INPP5K: variants seen among roughly 807,000 people sequenced by gnomAD.
INPP5K encodes the protein inositol polyphosphate-5-phosphatase K.
A neutral mutation model predicts 53.5 loss-of-function variants in INPP5K; 35 were observed. The ratio of observed to expected loss-of-function variants is 0.65; its 90% CI spans 0.50 to 0.87. INPP5K has a LOEUF of 0.87. Among genes scored for constraint, INPP5K ranks in the 40% least tolerant of loss-of-function variants. The pLI, the probability that INPP5K is intolerant of heterozygous loss-of-function variation, is 0.00. For synonymous variants in INPP5K, 253 were observed against 232.8 expected (o/e 1.09, Z -0.79); for missense variants, 550 against 586.2 (o/e 0.94, Z 0.64).
At chr17:1,501,123 C>T (rs1463620621) in intron 7 of INPP5K, among the ~76,000 whole-genome samples, 2 of 152,008 alleles carry the variant, frequency 1.3e-5, no homozygotes, top group Admixed American at 6.6e-5. Context: ...CCATGCCCAG[C>T]TAATTTTTGT....
intron 7 of INPP5K, among the ~76,000 whole-genome samples, chr17:1,499,023 A>G (rs937575911): frequency 1.1e-4 from 16 of 152,234 alleles, no homozygotes; most frequent in African/African-American, 3.6e-4. Flanking sequence ...ACCACAGAGC[A>G]TGTGCTCTTA....
chr17:1,505,930 G>A (rs965519367), intron 7 of INPP5K, among the ~76,000 whole-genome samples: 2 of 152,320 alleles, frequency 1.3e-5, no homozygotes, highest in South Asian at 2.1e-4. Flanking sequence ...GTTGCCAGTG[G>A]TTCTTTCTCA....
intron 9 of INPP5K, 131 bp from the exon 10 acceptor site, chr17:1,496,533 G>A: frequency 1.4e-6 from 2 of 1,382,386 alleles, no homozygotes; most frequent in Non-Finnish European, 1.0e-6. Flanking sequence ...TTCACTGCCA[G>A]CCTTTAGCTA....
chr17:1,498,423 G>A (rs953611608), intron 7 of INPP5K, among the ~76,000 whole-genome samples: 1 of 152,092 alleles, frequency 6.6e-6, no homozygotes, highest in Non-Finnish European at 1.5e-5. Context: ...TCTTTCTTGA[G>A]CAAAAGCAGC....
chr17:1,504,316 TGA>T (rs1273400529), intron 7 of INPP5K, among the ~76,000 whole-genome samples: 2 of 152,100 alleles, frequency 1.3e-5, no homozygotes, highest in African/African-American at 4.8e-5. Flanking sequence ...CTCAGTGAGA[TGA>T]GGAGGGGCCG....
At chr17:1,502,082 G>T (rs1278713884) in intron 7 of INPP5K, among the ~76,000 whole-genome samples, 1 of 151,130 alleles carries the variant, frequency 6.6e-6, no homozygotes, top group East Asian at 1.9e-4. Flanking sequence ...AGGCACGGTG[G>T]CTCACGCCTG....
chr17:1,514,825 T>G (rs973904245), intron 1 of INPP5K, among the ~76,000 whole-genome samples: 3 of 151,506 alleles, frequency 2.0e-5, no homozygotes, highest in African/African-American at 7.3e-5. Flanking sequence ...ATAAAAGAGA[T>G]AACACCACCA....
intron 7 of INPP5K, among the ~76,000 whole-genome samples, chr17:1,502,165 T>A (rs4790539): frequency 1.8e-4 from 27 of 151,630 alleles, no homozygotes; most frequent in South Asian, 4.2e-4. Flanking sequence ...CTGGCTAACA[T>A]GGTGAAACCC....
At position 1,513,897 on chromosome 17, in the gene INPP5K, G is replaced by A. The variant is rs2075369724; in HGVS notation, c.127C>T (p.Leu43Phe). 26 of 1,613,262 alleles carry A rather than the reference G, an allele frequency of 1.6e-5. No homozygotes were observed. The highest frequency in any genetic ancestry group is 2.2e-5 in the Non-Finnish European group (26 of 1,179,482). Residue 43 changes from leucine to phenylalanine, a missense_variant, in exon 2 of 12, where the codon CTC (leucine) becomes TTC (phenylalanine). Coordinates refer to ENST00000421807, the MANE Select transcript of INPP5K (RefSeq NM_016532.4). ...CCAATAACATATATGTCAAGATTGA[G>A]GTTCCGGTTGTTCAGCTGAAGCAGG... Reference protein sequence around the residue: ...SDLLQLNNRNLNLDIYVIGLQ... With the variant: ...SDLLQLNNRNFNLDIYVIGLQ...
chr17:1,513,404 T>C (rs770427673), intron 3 of INPP5K, 49 bp downstream of exon 3: 1 of 1,360,356 alleles, frequency 7.4e-7, no homozygotes. Flanking sequence ...CAGGGGTCAG[T>C]GGAGATGTGA....
rs1228508735 is a variant in INPP5K, at chr17:1,504,295, G to C, written c.776+2685C>G. Among the ~76,000 whole-genome samples, 3 of 152,246 alleles carry C rather than the reference G, an allele frequency of 2.0e-5. No individual in the cohort carries two copies. In the East Asian group the frequency reaches 5.8e-4, roughly 29 times the overall value. On this transcript the variant is annotated intron_variant, in intron 7 of 11. Transcript: ENST00000421807. ...GCAAGGCTGGGGGTGGCACAAGGCA[G>C]GAGAGGAACTCTCAGTGAGATGAGG...
intron 7 of INPP5K, among the ~76,000 whole-genome samples, chr17:1,502,454 A>G (rs540599742): frequency 1.3e-3 from 195 of 152,208 alleles, no homozygotes; most frequent in African/African-American, 4.5e-3. Context: ...GAGCCCATAT[A>G]TGCTGTCATG....
rs528817640 is a variant in INPP5K, at chr17:1,495,709, G to A, written c.*114C>T. 59 of 705,726 alleles carry A rather than the reference G, an allele frequency of 8.4e-5. No homozygotes were observed. In the Middle Eastern group the frequency reaches 1.1e-3, roughly 13 times the overall value. 43.7% of individuals were successfully genotyped at this position (705,726 alleles called of 1,614,324 possible). The stretch of plus-strand genomic sequence containing the variant: ...CTCACTCTGGGAGGAGTATGTGGAC[G>A]ACACTTGGCTGTCTCTTCAGGGGGC... On this transcript the variant is annotated 3_prime_UTR_variant, in exon 12 of 12. Coordinates refer to ENST00000421807, the MANE Select transcript of INPP5K (RefSeq NM_016532.4).
intron 7 of INPP5K, among the ~76,000 whole-genome samples, chr17:1,503,490 G>C (rs1567554423): frequency 6.6e-6 from 1 of 152,116 alleles, no homozygotes. Flanking sequence ...GCCACACCAG[G>C]CCTTTTAAAA....
At chr17:1,512,073 G>A (rs533599565) in intron 3 of INPP5K, among the ~76,000 whole-genome samples, 2 of 152,282 alleles carry the variant, frequency 1.3e-5, no homozygotes, top group African/African-American at 4.8e-5. Flanking sequence ...GCAAATGCAC[G>A]GAGCTCACCC....
At position 1,494,677 on chromosome 17, in the gene INPP5K, T is replaced by G. The variant is rs2074779874; in HGVS notation, c.*1146A>C. On this transcript the variant is annotated 3_prime_UTR_variant, in exon 12 of 12. Transcript: ENST00000421807. Reference sequence around the variant, plus strand: ...GGGGACAATTCTTCATACACAGGCTTGCGGGGGAGAGTATGCAACACAGAG... The same window carrying G: ...GGGGACAATTCTTCATACACAGGCTGGCGGGGGAGAGTATGCAACACAGAG... 6.6e-6 allele frequency: 1 copy of G among 152,338 alleles called. No homozygotes were observed. Among genetic ancestry groups the G allele is most frequent in the South Asian group, 2.1e-4 (1 of 4,830 alleles). The allele number at this position is 152,338 out of a possible 1,614,324, so 9.4% of individuals were successfully genotyped here.
rs1449545587 is a variant in INPP5K at position 1,513,903 on chromosome 17, G to A, written c.121C>T (p.Arg41Trp). ...DLSDLLQLNN[R>W]NLNLDIYVIG... The stretch of plus-strand genomic sequence containing the variant: ...ACATATATGTCAAGATTGAGGTTCC[G>A]GTTGTTCAGCTGAAGCAGGTCACTG... The change falls in exon 2 of 12, where the codon CGG (arginine) becomes TGG (tryptophan). Residue 41 changes from arginine (R) to tryptophan (W), a missense_variant. Transcript: ENST00000421807. 7.4e-6 allele frequency: 12 copies of A among 1,613,304 alleles called. No individual in the cohort carries two copies. Among genetic ancestry groups the A allele is most frequent in the Admixed American group, 3.3e-5 (2 of 59,928 alleles).
At chr17:1,506,565 C>T (rs79052505) in intron 7 of INPP5K, among the ~76,000 whole-genome samples, 7,543 of 152,310 alleles carry the variant, frequency 0.05, 233 homozygotes, top group Non-Finnish European at 0.073. Flanking sequence ...TCACACAAGA[C>T]CTGACCCATT....
chr17:1,501,945 G>C (rs537118880), intron 7 of INPP5K, among the ~76,000 whole-genome samples: 1 of 151,760 alleles, frequency 6.6e-6, no homozygotes, highest in Non-Finnish European at 1.5e-5. Context: ...TGAGGCAGGA[G>C]AATCGCTTGA....
Sources: allele counts gnomAD v4.1 joint callset (sites outside exome capture counted in the v4.1 genomes callset), GRCh38; gene constraint gnomAD v4.1.1; transcripts MANE v1.5; gene names NCBI Gene and HGNC (gene_info 2026-07-23, HGNC 2026-07-21).